AACS: variants seen among roughly 807,000 people sequenced by gnomAD.
AACS encodes the protein acetoacetyl-CoA synthetase.
AACS carries 69 observed loss-of-function variants against 83.1 expected under a neutral mutation model. That is an observed-to-expected ratio of 0.83 (90% CI 0.68 to 1.01). The LOEUF (loss-of-function observed/expected upper bound fraction) is 1.01. Ranked by LOEUF, AACS falls within the 50% of genes least tolerant of loss-of-function variation. The pLI, the probability that AACS is intolerant of heterozygous loss-of-function variation, is 0.00. For missense variants in AACS, 866 were observed against 882.2 expected (o/e 0.98, Z 0.23); for synonymous variants, 333 against 343.4 (o/e 0.97, Z 0.33).
chr12:125,090,640 T>G (rs1413530426), intron 4 of AACS, among the ~76,000 whole-genome samples: 1 of 152,016 alleles, frequency 6.6e-6, no homozygotes, highest in Non-Finnish European at 1.5e-5. Context: ...CCATCATCCA[T>G]CTCTCCATCC....
chr12:125,103,611 A>G (rs2136094566), intron 7 of AACS, among the ~76,000 whole-genome samples: 1 of 152,308 alleles, frequency 6.6e-6, no homozygotes, highest in Middle Eastern at 3.4e-3. Context: ...TGTGTTCCCC[A>G]TTGCTGATGA....
At chr12:125,128,430 T>G (rs1957279948) in intron 13 of AACS, 156 bp downstream of exon 13, 2 of 613,942 alleles carry the variant, frequency 3.3e-6, no homozygotes, top group African/African-American at 1.9e-5. Flanking sequence ...TCCCTCCAGC[T>G]TGGTTTAACA....
At chr12:125,071,552 C>T (rs539854510) in intron 1 of AACS, among the ~76,000 whole-genome samples, 35 of 152,326 alleles carry the variant, frequency 2.3e-4, no homozygotes, top group Non-Finnish European at 3.7e-4. Flanking sequence ...AAAGCAACAA[C>T]AGGCTTTTAA....
At chr12:125,076,409 A>G in intron 2 of AACS, 82 bp from the exon 3 acceptor site, 1 of 1,555,794 alleles carries the variant, frequency 6.4e-7, no homozygotes, top group Middle Eastern at 1.7e-4. Context: ...ACTTTTGCTG[A>G]TTTGTGACAT....
chr12:125,069,475 G>C (rs1231773126), intron 1 of AACS, among the ~76,000 whole-genome samples: 1 of 152,228 alleles, frequency 6.6e-6, no homozygotes, highest in African/African-American at 2.4e-5. Flanking sequence ...GTTGGTTCTT[G>C]TCACTGCTTC....
intron 1 of AACS, among the ~76,000 whole-genome samples, chr12:125,072,401 G>C (rs2136033804): frequency 1.3e-5 from 2 of 152,300 alleles, no homozygotes; most frequent in Middle Eastern, 6.8e-3. Context: ...TTCCCCACCG[G>C]GGCTGGGAAC....
intron 2 of AACS, 150 bp from the exon 3 acceptor site, chr12:125,076,341 A>G: frequency 9.1e-7 from 1 of 1,104,748 alleles, no homozygotes; most frequent in Non-Finnish European, 1.3e-6. Context: ...TCAGTCCATA[A>G]AATGATTTAA....
chr12:125,105,815 T>C (rs1453843534), intron 7 of AACS: 1 of 152,206 alleles, frequency 6.6e-6, no homozygotes, highest in Non-Finnish European at 1.5e-5. Flanking sequence ...TGTACTGTGA[T>C]TTATGGGCCA....
At chr12:125,086,272 C>T (rs1956337046) in intron 3 of AACS, 58 bp from the exon 4 acceptor site, 2 of 1,483,302 alleles carry the variant, frequency 1.3e-6, no homozygotes, top group East Asian at 4.6e-5. Context: ...CAGTGTCTGG[C>T]TTGCAACTTT....
rs887910025 is a variant in AACS, at chr12:125,136,770, A to C, written c.1787A>C (p.Gln596Pro). 6.2e-6 allele frequency: 10 copies of C among 1,614,018 alleles called. No homozygotes were observed. The highest frequency in any genetic ancestry group is 8.5e-6 in the Non-Finnish European group (10 of 1,180,044). ...FLKMASGHAF[Q>P]PDLVKRIRDA... Reference sequence around the variant, plus strand: ...AAGATGGCCTCCGGGCACGCCTTCCAGCCTGACTTGGTTAAGAGGATCCGT... The same window carrying C: ...AAGATGGCCTCCGGGCACGCCTTCCCGCCTGACTTGGTTAAGAGGATCCGT... The change falls in exon 17 of 18, where the codon CAG becomes CCG. Residue 596 changes from glutamine (Q) to proline (P), a missense_variant. Coordinates refer to ENST00000316519, the MANE Select transcript of AACS (RefSeq NM_023928.5).
chr12:125,139,783 T>C (rs1392221380), intron 17 of AACS: 1 of 152,290 alleles, frequency 6.6e-6, no homozygotes, highest in Non-Finnish European at 1.5e-5. Flanking sequence ...TGCACATCTT[T>C]CTGGTGGAGT....
chr12:125,090,916 G>A, intron 4 of AACS: 1 of 177,122 alleles, frequency 5.6e-6, no homozygotes, highest in South Asian at 1.4e-4. Flanking sequence ...TGGTGAAGGA[G>A]AAATACAGTG....
At chr12:125,089,210 C>T (rs1398376103) in intron 4 of AACS, among the ~76,000 whole-genome samples, 2 of 152,220 alleles carry the variant, frequency 1.3e-5, no homozygotes, top group Non-Finnish European at 2.9e-5. Flanking sequence ...CACCAACCAT[C>T]TGCCGGATGT....
intron 3 of AACS, among the ~76,000 whole-genome samples, chr12:125,082,589 G>A (rs910529030): frequency 6.7e-6 from 1 of 149,090 alleles, no homozygotes; most frequent in Non-Finnish European, 1.5e-5. Flanking sequence ...TTGGGAGCCC[G>A]AAGTGGGTGG....
In AACS at chr12:125,136,876, T is replaced by C. The variant is rs1593013188; in HGVS notation, c.1881+12T>C. ...CCAAGGGCATCCCGGTATGGCCATC[T>C]CCCGCCAGCGAGGAGACCGCAGCCA... On this transcript the variant is annotated intron_variant, in intron 17 of 17. Transcript: ENST00000316519. 2 of 1,610,384 alleles carry C rather than the reference T, an allele frequency of 1.2e-6. No homozygotes were observed. Among genetic ancestry groups the C allele is most frequent in the Non-Finnish European group, 8.5e-7 (1 of 1,179,372 alleles).
chr12:125,086,821 T>C (rs1956349805), intron 4 of AACS, among the ~76,000 whole-genome samples: 1 of 149,022 alleles, frequency 6.7e-6, no homozygotes, highest in South Asian at 2.1e-4. Context: ...CCATTCAATA[T>C]GGGCTTGCTG....
chr12:125,088,825 C>T (rs10846824), intron 4 of AACS, among the ~76,000 whole-genome samples: 43,772 of 152,156 alleles, frequency 0.29, 7,855 homozygotes, highest in Non-Finnish European at 0.39. Context: ...GTTCCTTGTG[C>T]CCCAGCCATT....
intron 5 of AACS, chr12:125,092,417 AG>A (rs1956506541): frequency 6.6e-6 from 1 of 152,288 alleles, no homozygotes; most frequent in African/African-American, 2.4e-5. Flanking sequence ...TTTGGGTGTG[AG>A]CTTAGAAATC....
intron 9 of AACS, among the ~76,000 whole-genome samples, chr12:125,116,270 T>C (rs1300000291): frequency 6.6e-6 from 1 of 152,122 alleles, no homozygotes; most frequent in African/African-American, 2.4e-5. Context: ...GCTGCCTCCC[T>C]GGGACACGGC....
Sources: gnomAD v4.1 joint callset for allele counts (sites outside exome capture counted in the v4.1 genomes callset) on GRCh38, gnomAD v4.1.1 for gene constraint, MANE v1.5 for transcripts, NCBI Gene and HGNC (gene_info 2026-07-23, HGNC 2026-07-21) for gene names.